Variants in MDM4 observed in about 807,000 individuals in gnomAD.
MDM4 encodes MDM4 regulator of p53.
Under a neutral mutation model 60.2 loss-of-function variants are expected in MDM4, and 2 were observed. The observed-to-expected ratio is 0.03, with a 90% confidence interval of 0.01 to 0.10. The LOEUF is 0.10. Ranked by LOEUF, MDM4 falls within the 10% of genes least tolerant of loss-of-function variation. MDM4 has a pLI of 1.00. For synonymous variants in MDM4, 202 were observed against 198.1 expected (o/e 1.02, Z -0.17); for missense variants, 447 against 577.5 (o/e 0.77, Z 2.32).
chr1:204,525,621 T>G lies in MDM4; in HGVS notation c.78+25T>G. 4 of 1,457,436 alleles carry G rather than the reference T, an allele frequency of 2.7e-6. No homozygotes were observed. The South Asian group carries it at 4.9e-5, about 18-fold the overall frequency. 90.3% of individuals were successfully genotyped at this position (1,457,436 alleles called of 1,614,324 possible). A position where few individuals can be genotyped will look rare whatever the true frequency, so the allele number is the denominator to read the frequency against. ...GGTAAATCATTTTCGGTATTTCTAGTTTTTTGGTTTTTTTTTTTTTTAATT... is the reference window on the plus strand; with the variant it reads ...GGTAAATCATTTTCGGTATTTCTAGGTTTTTGGTTTTTTTTTTTTTTAATT... On this transcript the variant is annotated intron_variant, in intron 2 of 10. Coordinates refer to ENST00000367182, the MANE Select transcript of MDM4 (RefSeq NM_002393.5).
At chr1:204,544,340 A>T (rs755396680) in intron 8 of MDM4, among the ~76,000 whole-genome samples, 195 bp from the exon 9 acceptor site, 17 of 152,252 alleles carry the variant, frequency 1.1e-4, no homozygotes, top group Non-Finnish European at 2.4e-4. Context: ...TGACACCATT[A>T]TATCCATCCA....
chr1:204,550,565 T>A lies in MDM4; in HGVS notation c.*883T>A, dbSNP rs1204328581. 1.1e-4 allele frequency: 1 copy of A among 8,808 alleles called. No homozygotes were observed. Among genetic ancestry groups the A allele is most frequent in the African/African-American group, 5.3e-4 (1 of 1,890 alleles). 0.5% of individuals were successfully genotyped at this position (8,808 alleles called of 1,614,324 possible). A position where few individuals can be genotyped will look rare whatever the true frequency, so the allele number is the denominator to read the frequency against. On this transcript the variant is annotated 3_prime_UTR_variant, in exon 11 of 11. Transcript: ENST00000367182. ...TGCATATTATATATGTGCTTTAAAGTTTTTTTTTTTTTTTGAGAGACGGTC... is the reference window on the plus strand; with the variant it reads ...TGCATATTATATATGTGCTTTAAAGATTTTTTTTTTTTTTGAGAGACGGTC...
chr1:204,533,468 C>T (rs1388039225), intron 5 of MDM4, among the ~76,000 whole-genome samples: 2 of 152,104 alleles, frequency 1.3e-5, no homozygotes, highest in African/African-American at 4.8e-5. Context: ...GTGATTCTCC[C>T]ACCTCAGCCT....
intron 3 of MDM4, chr1:204,529,072 C>T: frequency 6.9e-7 from 1 of 1,452,028 alleles, no homozygotes; most frequent in East Asian, 2.4e-5. Context: ...TGGGACAGAG[C>T]TTGCTGCAGC....
In MDM4 at chr1:204,530,787, G is replaced by C. The variant is rs1440744656; in HGVS notation, c.257G>C (p.Gly86Ala). The change falls in exon 4 of 11, where the codon GGA becomes GCA. Residue 86 changes from glycine (G) to alanine (A), a missense_variant. Physicochemically the swap from Gly to Ala is moderately conservative, Grantham distance 60 (BLOSUM62 0). Around this residue, in one of 8 missense-constraint regions of MDM4, gnomAD observed 31 missense variants for 87.6 expected, o/e 0.35. Coordinates refer to ENST00000367182, the MANE Select transcript of MDM4 (RefSeq NM_002393.5). ...CGGDLLGELL[G>A]RQSFSVKDPS... is the part of the protein sequence containing the mutation. ...GGAGATCTTTTGGGAGAACTACTGG[G>C]ACGTCAGAGCTTCTCCGTGAAAGAC... 6.2e-7 allele frequency: 1 copy of C among 1,613,924 alleles called. No individual in the cohort carries two copies. The highest frequency in any genetic ancestry group is 1.3e-5 in the African/African-American group (1 of 74,922).
chr1:204,525,459 GTTA>G, intron 1 of MDM4, 22 bp from the exon 2 acceptor site: 1 of 1,557,926 alleles, frequency 6.4e-7, no homozygotes, highest in Non-Finnish European at 8.6e-7. Context: ...TAGAATAGAT[GTTA>G]TAAATTTTTT....
At chr1:204,524,872 C>G (rs1209378379) in intron 1 of MDM4, among the ~76,000 whole-genome samples, 1 of 152,164 alleles carries the variant, frequency 6.6e-6, no homozygotes, top group Non-Finnish European at 1.5e-5. Context: ...GAACTTTACT[C>G]TGTATTTCAC....
Position 204,549,107 on chromosome 1 carries a change from T to C in MDM4, c.904-6T>C, listed in dbSNP as rs1389861936. 3.2e-6 allele frequency: 5 copies of C among 1,572,280 alleles called. No homozygotes were observed. The highest frequency in any genetic ancestry group is 3.5e-6 in the Non-Finnish European group (4 of 1,153,012). On this transcript the variant is annotated splice_region_variant and splice_polypyrimidine_tract_variant and intron_variant, in intron 10 of 10. Transcript: ENST00000367182. ...GAGTATTAATTGGCTTCACTTGTCT[T>C]TGTAGGATGAGTGGCAGTGTACTGA...
intron 10 of MDM4, among the ~76,000 whole-genome samples, chr1:204,548,378 C>T (rs1662872978): frequency 6.6e-6 from 1 of 152,158 alleles, no homozygotes; most frequent in South Asian, 2.1e-4. Flanking sequence ...TGGCCTTTGA[C>T]CTAAAAGTAA....
intron 7 of MDM4, 104 bp from the exon 8 acceptor site, chr1:204,542,680 A>G (rs1438463057): frequency 1.2e-6 from 1 of 836,954 alleles, no homozygotes; most frequent in African/African-American, 1.7e-5. Context: ...TAGAACAGGA[A>G]TTTCTTTTTA....
At chr1:204,525,745 A>G in intron 2 of MDM4, 149 bp downstream of exon 2, 1 of 602,900 alleles carries the variant, frequency 1.7e-6, no homozygotes, top group Non-Finnish European at 2.9e-6. Flanking sequence ...CAGCCTTGGC[A>G]ACATAGTGAG....
In MDM4 at chr1:204,553,533, T is replaced by G. The variant is rs937650690; in HGVS notation, c.*3851T>G. The G allele has an allele frequency of 7.0e-5, 16 of 227,042 alleles. No individual in the cohort carries two copies. Among genetic ancestry groups the G allele is most frequent in the Non-Finnish European group, 1.1e-4 (13 of 114,312 alleles). The allele number at this position is 227,042 out of a possible 1,614,324, so 14.1% of individuals were successfully genotyped here. On this transcript the variant is annotated 3_prime_UTR_variant, in exon 11 of 11. Transcript: ENST00000367182. Reference sequence around the variant, plus strand: ...GATATCTTGATTGTGAGGAAGGATCTGTGTCATTGGAGCTTGTTTCTGCTG... The same window carrying G: ...GATATCTTGATTGTGAGGAAGGATCGGTGTCATTGGAGCTTGTTTCTGCTG...
chr1:204,521,045 C>G (rs1471176529), intron 1 of MDM4, among the ~76,000 whole-genome samples: 2 of 152,194 alleles, frequency 1.3e-5, no homozygotes, highest in Non-Finnish European at 2.9e-5. Context: ...AGTTTGAAAT[C>G]TTGACTCCAA....
intron 7 of MDM4, among the ~76,000 whole-genome samples, chr1:204,539,980 A>C (rs963240961): frequency 5.9e-5 from 9 of 152,146 alleles, no homozygotes; most frequent in African/African-American, 2.2e-4. Context: ...CAAGGTGTAC[A>C]TGAAAACTTG....
At chr1:204,525,436 G>A in intron 1 of MDM4, 48 bp from the exon 2 acceptor site, 2 of 1,523,836 alleles carry the variant, frequency 1.3e-6, no homozygotes, top group Non-Finnish European at 1.8e-6. Context: ...GCTAAATAGG[G>A]AATTTTCTGC....
intron 4 of MDM4, among the ~76,000 whole-genome samples, chr1:204,531,692 C>T (rs901834490): frequency 1.1e-4 from 17 of 151,996 alleles, no homozygotes; most frequent in African/African-American, 7.3e-5. Flanking sequence ...ATTAGCTGGG[C>T]GTGGTGGCGG....
In MDM4 at chr1:204,550,059, C is replaced by G. The variant is rs4252745; in HGVS notation, c.*377C>G. 0.4 allele frequency: 94,867 copies of G among 238,694 alleles called. 21,499 individuals carry two copies. The highest frequency in any genetic ancestry group is 0.48 in the Non-Finnish European group (58,209 of 122,004). The allele number at this position is 238,694 out of a possible 1,614,324, so 14.8% of individuals were successfully genotyped here. ...CACCCAAAAAAGCAATAGAATGTTTCTGTCACCCCAAAACACTCCCTTCTG... is the reference window on the plus strand; with the variant it reads ...CACCCAAAAAAGCAATAGAATGTTTGTGTCACCCCAAAACACTCCCTTCTG... On this transcript the variant is annotated 3_prime_UTR_variant, in exon 11 of 11. Transcript: ENST00000367182.
intron 3 of MDM4, among the ~76,000 whole-genome samples, chr1:204,528,561 T>C (rs920193638): frequency 2.6e-5 from 4 of 152,192 alleles, no homozygotes; most frequent in African/African-American, 9.7e-5. Context: ...ATCTCCTGCG[T>C]CTGGTGCCAG....
rs1363770136 is a variant in MDM4, at chr1:204,532,254, ACAT to A, written c.343+12_343+14del. The A allele has an allele frequency of 2.6e-6, 4 of 1,566,134 alleles. No individual in the cohort carries two copies. In the African/African-American group the frequency reaches 4.1e-5, roughly 16 times the overall value. On this transcript the variant is annotated intron_variant, in intron 5 of 10. Transcript: ENST00000367182. ...TAGCCACTGCTACTACAGGTATGTC[ACAT>A]CATATTTCTTCAGTCTGTATCACAG... is the stretch of plus-strand genomic sequence containing the variant.
Sources: gnomAD v4.1 joint callset for allele counts (sites outside exome capture counted in the v4.1 genomes callset) on GRCh38, gnomAD v4.1.1 for gene constraint, gnomAD v4.1.1 regional missense constraint, MANE v1.5 for transcripts, NCBI Gene and HGNC (gene_info 2026-07-23, HGNC 2026-07-21) for gene names.